Variants in NGDN observed in about 807,000 individuals in gnomAD.
The protein encoded by NGDN is neuroguidin.
A neutral mutation model predicts 45.2 loss-of-function variants in NGDN; 41 were observed. That is an observed-to-expected ratio of 0.91 (90% CI 0.71 to 1.18). The LOEUF (loss-of-function observed/expected upper bound fraction) is 1.18, where lower values mean the gene tolerates loss of function less well. NGDN is among the 50% of genes most tolerant of loss of function. The pLI, the probability that NGDN is intolerant of heterozygous loss-of-function variation, is 0.00. For missense variants in NGDN, 402 were observed against 399.9 expected (o/e 1.01, Z -0.05); for synonymous variants, 137 against 130.9 (o/e 1.05, Z -0.32).
chr14:23,473,148 C>T (rs1021098012), intron 3 of NGDN, among the ~76,000 whole-genome samples: 8 of 152,096 alleles, frequency 5.3e-5, no homozygotes, highest in East Asian at 1.9e-4. Flanking sequence ...TACAGGCGCC[C>T]GCCACCACTC....
rs769235811 is a variant in NGDN, at chr14:23,470,026, C to T, written c.13-16C>T. 1.4e-5 allele frequency: 23 copies of T among 1,613,416 alleles called. No individual in the cohort carries two copies. The highest frequency in any genetic ancestry group is 9.4e-5 in the African/African-American group (7 of 74,852). ...GAAAGAATGACTTTTCTTTACGCCT[C>T]CTCTCCCTTCTGTAGGGGGTGCTGG... On this transcript the variant is annotated splice_polypyrimidine_tract_variant and intron_variant, in intron 1 of 10. Coordinates refer to ENST00000408901, the MANE Select transcript of NGDN (RefSeq NM_001042635.2).
chr14:23,472,867 T>A (rs897940312), intron 3 of NGDN, among the ~76,000 whole-genome samples: 3 of 152,244 alleles, frequency 2.0e-5, no homozygotes, highest in Non-Finnish European at 2.9e-5. Context: ...CATTTTTATT[T>A]AAAAAAAATT....
chr14:23,475,051 C>T (rs1893864708), intron 3 of NGDN, 120 bp from the exon 4 acceptor site: 4 of 939,656 alleles, frequency 4.3e-6, no homozygotes, highest in Non-Finnish European at 4.6e-6. Context: ...ATTCCAGATA[C>T]CTAATATGAA....
chr14:23,471,928 C>T lies in NGDN; in HGVS notation c.144+951C>T, dbSNP rs58133535. Among the ~76,000 whole-genome samples the T allele has an allele frequency of 7.0e-3, 1,068 of 152,066 alleles. 16 individuals carry two copies. The highest frequency in any genetic ancestry group is 0.024 in the African/African-American group (995 of 41,456). On this transcript the variant is annotated intron_variant, in intron 3 of 10. Coordinates refer to ENST00000408901, the MANE Select transcript of NGDN (RefSeq NM_001042635.2). ...ATGTGCATCTTAAAATTGAAATATG[C>T]GCCTGTAATCCCAACACTTTGGGAG...
rs770934517 is a variant in NGDN, at chr14:23,477,295, A to C, written c.809A>C (p.His270Pro). Residue 270 changes from histidine to proline, a missense_variant, in exon 9 of 11, where the codon CAT (histidine) becomes CCT (proline). Transcript: ENST00000408901. The part of the protein sequence containing the change: ...KRANVMSSQL[H>P]SLTHFSDISA... The stretch of plus-strand genomic sequence containing the variant: ...GCAAATGTCATGAGCTCACAACTTC[A>C]TTCCCTTACACACTTCAGTGACATC... 1 of 1,614,132 alleles carries C rather than the reference A, an allele frequency of 6.2e-7. No homozygotes were observed. The highest frequency in any genetic ancestry group is 1.3e-5 in the African/African-American group (1 of 74,944).
intron 3 of NGDN, among the ~76,000 whole-genome samples, chr14:23,472,841 T>G (rs931937256): frequency 1.3e-5 from 2 of 152,250 alleles, no homozygotes; most frequent in Admixed American, 1.3e-4. Context: ...TATCATTCAC[T>G]TATGTTCTTA....
chr14:23,471,108 T>C, intron 3 of NGDN, 131 bp downstream of exon 3: 2 of 566,546 alleles, frequency 3.5e-6, no homozygotes, highest in South Asian at 6.8e-5. Flanking sequence ...GTTTCTGTGC[T>C]GAAGTCTAGA....
chr14:23,476,521 G>C, intron 8 of NGDN, 114 bp downstream of exon 8: 1 of 1,025,028 alleles, frequency 9.8e-7, no homozygotes, highest in East Asian at 2.7e-5. Flanking sequence ...AGAAAATGGA[G>C]TGAAAACTTT....
At chr14:23,476,885 A>C (rs144313792) in intron 8 of NGDN, among the ~76,000 whole-genome samples, 26 of 152,362 alleles carry the variant, frequency 1.7e-4, no homozygotes, top group African/African-American at 6.0e-4. Flanking sequence ...ATGGATTTGC[A>C]TGAAAGGACA....
chr14:23,469,733 T>A lies in NGDN; in HGVS notation c.12+6T>A. ...TTGCGAAGATGGCGGCGCTGGTGAG[T>A]TTGGTGTGGTTTCTTCCTCGCGTAG... On this transcript the variant is annotated splice_donor_region_variant and intron_variant, in intron 1 of 10. Coordinates refer to ENST00000408901, the MANE Select transcript of NGDN (RefSeq NM_001042635.2). The A allele has an allele frequency of 6.2e-7, 1 of 1,613,710 alleles. No homozygotes were observed. The highest frequency in any genetic ancestry group is 8.5e-7 in the Non-Finnish European group (1 of 1,179,904).
At chr14:23,478,383 C>T (rs1282430694), downstream of NGDN, 1 of 241,626 alleles carries the variant, frequency 4.1e-6, no homozygotes, top group Admixed American at 5.2e-5. Context: ...ACTCTTTCAA[C>T]CCATGTTGCC....
chr14:23,474,126 C>T (rs1302908622), intron 3 of NGDN, among the ~76,000 whole-genome samples: 1 of 151,276 alleles, frequency 6.6e-6, no homozygotes, highest in East Asian at 2.0e-4. Flanking sequence ...AGAACTTAAA[C>T]TCAGTTTGTG....
chr14:23,470,904 A>C lies in NGDN; in HGVS notation c.73-2A>C. On this transcript the variant is annotated splice_acceptor_variant, in intron 2 of 10. Transcript: ENST00000408901. LOFTEE classifies it high-confidence loss of function. ...CACTTGTTTTATTTGGGCTAATTTC[A>C]GGTGATGGCTGTAACTGCACAAGTG... The C allele has an allele frequency of 1.3e-6, 2 of 1,564,596 alleles. No individual in the cohort carries two copies. The highest frequency in any genetic ancestry group is 1.7e-6 in the Non-Finnish European group (2 of 1,160,482).
intron 2 of NGDN, chr14:23,470,314 T>A (rs575104917): frequency 1.8e-6 from 1 of 547,756 alleles, no homozygotes; most frequent in South Asian, 2.2e-5. Context: ...ATATGAATAG[T>A]TTTCCTTTAT....
intron 2 of NGDN, 132 bp from the exon 3 acceptor site, chr14:23,470,774 G>A (rs1893758059): frequency 1.8e-6 from 1 of 563,470 alleles, no homozygotes; most frequent in Admixed American, 3.5e-5. Flanking sequence ...TCCGAGAAGT[G>A]AGAAGATAGT....
rs369831792 is a variant in NGDN at position 23,478,013 on chromosome 14, G to A, written c.935G>A (p.Arg312Gln). ...TGGTTTCCCTTCCTTTCAGGTTTTCGGAGGCGGCGGTGATTATGGGTGTAC... is the reference window on the plus strand; with the variant it reads ...TGGTTTCCCTTCCTTTCAGGTTTTCAGAGGCGGCGGTGATTATGGGTGTAC... Reference protein sequence around the residue: ...PQKGRKKKGFRRRR With the variant: ...PQKGRKKKGFQRRR Residue 312 changes from arginine to glutamine, a missense_variant, in exon 11 of 11, where the codon CGG becomes CAG. Arg to Gln is a conservative substitution (Grantham distance 43). Transcript: ENST00000408901. 142 of 1,613,892 alleles carry A rather than the reference G, an allele frequency of 8.8e-5. No homozygotes were observed. The highest frequency in any genetic ancestry group is 1.1e-4 in the Non-Finnish European group (125 of 1,179,992).
At position 23,475,262 on chromosome 14, in the gene NGDN, C is replaced by T. The variant is rs990526186; in HGVS notation, c.236C>T (p.Ser79Phe). The T allele has an allele frequency of 3.1e-6, 5 of 1,614,050 alleles. No individual in the cohort carries two copies. The highest frequency in any genetic ancestry group is 4.2e-6 in the Non-Finnish European group (5 of 1,179,890). ...ATTCTGGACAAAGCCTCAGGAGGAT[C>T]TCTTCAGGGACATGATGCAGTTTTG... ...HLILDKASGG[S>F]LQGHDAVLRL... Residue 79 changes from serine to phenylalanine, a missense_variant, in exon 4 of 11, where the codon TCT becomes TTT. Physicochemically the swap from Ser to Phe is radical, Grantham distance 155 (BLOSUM62 -2). Coordinates refer to ENST00000408901, the MANE Select transcript of NGDN (RefSeq NM_001042635.2).
At chr14:23,473,354 G>C (rs1009778231) in intron 3 of NGDN, among the ~76,000 whole-genome samples, 8 of 152,306 alleles carry the variant, frequency 5.3e-5, no homozygotes, top group South Asian at 4.1e-4. Flanking sequence ...TGAGTTGCCA[G>C]CATCCTTCTT....
At position 23,476,150 on chromosome 14, in the gene NGDN, A is replaced by G. The variant is rs780964887; in HGVS notation, c.542A>G (p.Tyr181Cys). The G allele has an allele frequency of 1.2e-6, 2 of 1,614,052 alleles. No homozygotes were observed. The highest frequency in any genetic ancestry group is 1.1e-5 in the South Asian group (1 of 91,082). The change falls in exon 7 of 11, where the codon TAT (tyrosine) becomes TGT (cysteine). Residue 181 changes from tyrosine to cysteine, a missense_variant and splice_region_variant. Physicochemically the swap from Tyr to Cys is radical, Grantham distance 194. Coordinates refer to ENST00000408901, the MANE Select transcript of NGDN (RefSeq NM_001042635.2). The stretch of plus-strand genomic sequence containing the variant: ...CCTCCACGCTTGGTTCCAGTACATT[A>G]TGGTATAAACTTTGGCTGCTGCCTC... ...YVPPRLVPVH[Y>C]DETEAEREKK...
Sources: allele counts gnomAD v4.1 joint callset (sites outside exome capture counted in the v4.1 genomes callset), GRCh38; gene constraint gnomAD v4.1.1; transcripts MANE v1.5; gene names NCBI Gene and HGNC (gene_info 2026-07-23, HGNC 2026-07-21).